The following SLC39A11 variants were observed in gnomAD, a reference collection of about 807,000 sequenced individuals.
SLC39A11 encodes zinc transporter ZIP11.
Under a neutral mutation model 36.1 loss-of-function variants are expected in SLC39A11, and 33 were observed. That is an observed-to-expected ratio of 0.91 (90% CI 0.69 to 1.22). SLC39A11 has a LOEUF of 1.22. Among genes scored for constraint, SLC39A11 ranks in the 50% most tolerant of loss-of-function variants. The pLI is 0.00. For missense variants in SLC39A11, 432 were observed against 430.3 expected (o/e 1.00, Z -0.03); for synonymous variants, 166 against 170.3 (o/e 0.97, Z 0.20).
At chr17:72,661,792 G>A (rs1164746194) in intron 7 of SLC39A11, among the ~76,000 whole-genome samples, 2 of 152,180 alleles carry the variant, frequency 1.3e-5, no homozygotes, top group Admixed American at 6.5e-5. Flanking sequence ...GGCGAGATGA[G>A]ATGACCCATC....
chr17:72,695,965 A>G (rs1373616438), intron 7 of SLC39A11, among the ~76,000 whole-genome samples: 1 of 152,176 alleles, frequency 6.6e-6, no homozygotes, highest in East Asian at 1.9e-4. Flanking sequence ...GTTCTAAGCC[A>G]CCCAGTTTGT....
chr17:73,043,679 A>G (rs1445780753), intron 3 of SLC39A11, among the ~76,000 whole-genome samples: 1 of 152,180 alleles, frequency 6.6e-6, no homozygotes, highest in Non-Finnish European at 1.5e-5. Context: ...CATAATCCAG[A>G]TGTGACACAG....
At chr17:72,926,268 A>G (rs193024760) in intron 5 of SLC39A11, among the ~76,000 whole-genome samples, 45 of 152,334 alleles carry the variant, frequency 3.0e-4, no homozygotes, top group Non-Finnish European at 4.6e-4. Context: ...ATATGTAGAG[A>G]GTGAGTTTGT....
At chr17:72,784,873 T>C (rs1433347569) in intron 6 of SLC39A11, among the ~76,000 whole-genome samples, 1 of 151,304 alleles carries the variant, frequency 6.6e-6, no homozygotes, top group Non-Finnish European at 1.5e-5. Context: ...TTTTTTTTTT[T>C]TTTTTAGATG....
intron 5 of SLC39A11, among the ~76,000 whole-genome samples, chr17:72,930,312 A>C (rs2084307348): frequency 1.3e-5 from 2 of 152,090 alleles, no homozygotes; most frequent in South Asian, 4.1e-4. Context: ...CAGTCCTATA[A>C]ATTGGTGAGC....
chr17:73,083,642 C>G (rs1217958597), intron 3 of SLC39A11, among the ~76,000 whole-genome samples: 3 of 152,016 alleles, frequency 2.0e-5, no homozygotes, highest in Admixed American at 2.0e-4. Flanking sequence ...ACAAGTTAGG[C>G]AGCACCACGA....
At chr17:72,783,327 A>G (rs1230473288) in intron 6 of SLC39A11, among the ~76,000 whole-genome samples, 1 of 152,232 alleles carries the variant, frequency 6.6e-6, no homozygotes, top group Non-Finnish European at 1.5e-5. Context: ...ACAGACTGAG[A>G]CAACCAGGCA....
At chr17:72,831,702 T>C (rs2078293210) in intron 6 of SLC39A11, among the ~76,000 whole-genome samples, 1 of 152,266 alleles carries the variant, frequency 6.6e-6, no homozygotes, top group Non-Finnish European at 1.5e-5. Flanking sequence ...TAATTAAATT[T>C]TTTCAGTAGC....
intron 6 of SLC39A11, among the ~76,000 whole-genome samples, chr17:72,830,770 C>T (rs1410268472): frequency 6.6e-6 from 1 of 152,150 alleles, no homozygotes; most frequent in Non-Finnish European, 1.5e-5. Flanking sequence ...AAACCCCATG[C>T]ATACCCTGGC....
chr17:72,706,267 T>G (rs1219444978), intron 7 of SLC39A11, among the ~76,000 whole-genome samples: 1 of 152,204 alleles, frequency 6.6e-6, no homozygotes, highest in Admixed American at 6.5e-5. Flanking sequence ...TCTGGACTGG[T>G]TTCTATTTGA....
At chr17:72,863,946 CAG>C (rs1052421301) in intron 5 of SLC39A11, among the ~76,000 whole-genome samples, 1 of 152,160 alleles carries the variant, frequency 6.6e-6, no homozygotes, top group Admixed American at 6.5e-5. Context: ...AACAGAAAAA[CAG>C]GGGAAAACCC....
chr17:72,875,574 A>G (rs1480548822), intron 5 of SLC39A11, among the ~76,000 whole-genome samples: 1 of 152,172 alleles, frequency 6.6e-6, no homozygotes, highest in East Asian at 1.9e-4. Flanking sequence ...CTCATCTCCC[A>G]CAAAGGCACC....
chr17:72,810,341 A>G (rs892203145), intron 6 of SLC39A11, among the ~76,000 whole-genome samples: 1 of 152,210 alleles, frequency 6.6e-6, no homozygotes, highest in African/African-American at 2.4e-5. Context: ...AACTGGAAAC[A>G]CCCAAGCATC....
chr17:72,907,317 C>G (rs532646035), intron 5 of SLC39A11, among the ~76,000 whole-genome samples: 177 of 152,292 alleles, frequency 1.2e-3, no homozygotes, highest in African/African-American at 4.0e-3. Context: ...TGATGAAACC[C>G]TGTCTCTACT....
At chr17:73,050,848 A>C (rs1221294077) in intron 3 of SLC39A11, among the ~76,000 whole-genome samples, 1 of 152,200 alleles carries the variant, frequency 6.6e-6, no homozygotes, top group Non-Finnish European at 1.5e-5. Context: ...AGAGACCAGC[A>C]GAAAGGCCCC....
At chr17:72,685,805 G>A (rs542498205) in intron 7 of SLC39A11, among the ~76,000 whole-genome samples, 23 of 152,234 alleles carry the variant, frequency 1.5e-4, no homozygotes, top group Admixed American at 3.3e-4. Context: ...TTGGGAGGCC[G>A]AGGTGGGAGG....
chr17:72,924,206 A>AG (rs1287957112), intron 5 of SLC39A11, among the ~76,000 whole-genome samples: 1 of 148,010 alleles, frequency 6.8e-6, no homozygotes, highest in Admixed American at 6.8e-5. Context: ...ACCTAGCCTC[A>AG]GGACACAGAC....
chr17:72,652,409 T>C (rs1045967419), intron 7 of SLC39A11, among the ~76,000 whole-genome samples: 2 of 152,162 alleles, frequency 1.3e-5, no homozygotes, highest in African/African-American at 4.8e-5. Flanking sequence ...ACTTTCCATT[T>C]CTCCAACTGC....
chr17:72,970,048 G>C (rs959653670), intron 4 of SLC39A11, among the ~76,000 whole-genome samples: 2 of 152,200 alleles, frequency 1.3e-5, no homozygotes, highest in African/African-American at 4.8e-5. Context: ...AGCATCCCCA[G>C]AGCACTTATC....
Sources: gnomAD v4.1 joint callset for allele counts (sites outside exome capture counted in the v4.1 genomes callset) on GRCh38, gnomAD v4.1.1 for gene constraint, MANE v1.5 for transcripts, NCBI Gene and HGNC (gene_info 2026-07-23, HGNC 2026-07-21) for gene names.